UNC13C: variants seen among roughly 807,000 people sequenced by gnomAD.
The protein encoded by UNC13C is protein unc-13 homolog C.
Under a neutral mutation model 245.4 loss-of-function variants are expected in UNC13C, and 174 were observed. The ratio of observed to expected loss-of-function variants is 0.71; its 90% CI spans 0.63 to 0.80. The LOEUF (loss-of-function observed/expected upper bound fraction) is 0.80. UNC13C is among the 30% of genes least tolerant of loss of function. The pLI is 0.00. For synonymous variants in UNC13C, 992 were observed against 895.1 expected (o/e 1.11, Z -1.93); for missense variants, 2,829 against 2,602.9 (o/e 1.09, Z -1.89).
chr15:54,242,946 T>C (rs147993006), intron 7 of UNC13C, among the ~76,000 whole-genome samples: 2,056 of 152,282 alleles, frequency 0.014, 34 homozygotes, highest in Admixed American at 0.051. Context: ...TCACCTTTGT[T>C]TTATAAAATC....
chr15:54,563,247 G>C (rs1274825015), intron 29 of UNC13C, among the ~76,000 whole-genome samples: 1 of 151,974 alleles, frequency 6.6e-6, no homozygotes, highest in African/African-American at 2.4e-5. Flanking sequence ...TTGCATATCT[G>C]TCAAACATGC....
intron 1 of UNC13C, among the ~76,000 whole-genome samples, chr15:53,995,732 C>T (rs1323580251): frequency 6.6e-6 from 1 of 151,792 alleles, no homozygotes; most frequent in East Asian, 1.9e-4. Flanking sequence ...TTAAAGAATG[C>T]CAAGTAGTTA....
At chr15:54,024,776 G>T (rs1187131128) in intron 2 of UNC13C, among the ~76,000 whole-genome samples, 1 of 152,080 alleles carries the variant, frequency 6.6e-6, no homozygotes, top group African/African-American at 2.4e-5. Flanking sequence ...TTAGCCGGGC[G>T]TGGTCCCGGG....
chr15:54,549,509 G>T, intron 27 of UNC13C, 126 bp from the exon 28 acceptor site: 1 of 692,678 alleles, frequency 1.4e-6, no homozygotes, highest in Non-Finnish European at 2.4e-6. Context: ...ACCAATTAAG[G>T]GCATCTGGCA....
At chr15:53,859,218 G>A in the UNC13C span, among the ~76,000 whole-genome samples, 2,440 of 152,128 alleles carry the variant, frequency 0.016, 32 homozygotes, top group African/African-American at 0.036. Context: ...ATGTCTCATC[G>A]TTAATAAAAT....
chr15:54,311,425 GATTA>G (rs958564432), intron 13 of UNC13C, among the ~76,000 whole-genome samples: 1 of 151,552 alleles, frequency 6.6e-6, no homozygotes, highest in Non-Finnish European at 1.5e-5. Flanking sequence ...AAGTTTTGCT[GATTA>G]ATTAGCTCAC....
intron 10 of UNC13C, among the ~76,000 whole-genome samples, chr15:54,283,165 A>G (rs1718281328): frequency 6.6e-6 from 1 of 152,186 alleles, no homozygotes; most frequent in South Asian, 2.1e-4. Flanking sequence ...TTTAAACTGT[A>G]TTCAGCTTTG....
At chr15:54,129,777 A>G (rs1310702895) in intron 2 of UNC13C, among the ~76,000 whole-genome samples, 1 of 151,460 alleles carries the variant, frequency 6.6e-6, no homozygotes, top group African/African-American at 2.4e-5. Flanking sequence ...AATATTGTTT[A>G]TATGTACATT....
At chr15:54,133,322 C>T (rs143536061) in intron 2 of UNC13C, among the ~76,000 whole-genome samples, 2,850 of 152,222 alleles carry the variant, frequency 0.019, 68 homozygotes, top group East Asian at 0.093. Context: ...AGGAGACACA[C>T]ATATATTATT....
At chr15:54,183,850 G>A (rs2033881249) in intron 4 of UNC13C, among the ~76,000 whole-genome samples, 1 of 151,570 alleles carries the variant, frequency 6.6e-6, no homozygotes, top group South Asian at 2.1e-4. Context: ...GGCACAGGGA[G>A]AGGAACAATT....
intron 19 of UNC13C, among the ~76,000 whole-genome samples, chr15:54,458,680 CTTT>C (rs79291504): frequency 2.4e-4 from 16 of 65,966 alleles, no homozygotes; most frequent in Admixed American, 9.7e-4. Flanking sequence ...CCTTTAAGGT[CTTT>C]TTTTTTTTTT....
At chr15:54,366,008 AG>A (rs2039357095) in intron 17 of UNC13C, among the ~76,000 whole-genome samples, 1 of 152,202 alleles carries the variant, frequency 6.6e-6, no homozygotes, top group Non-Finnish European at 1.5e-5. Context: ...AAAGTGTTCC[AG>A]GAGAGTTTGT....
chr15:54,307,397 C>G (rs564743091), intron 13 of UNC13C, among the ~76,000 whole-genome samples: 1 of 152,046 alleles, frequency 6.6e-6, no homozygotes, highest in African/African-American at 2.4e-5. Context: ...CACTTATGAT[C>G]TAATCACCTC....
At chr15:54,366,846 T>G (rs2039376445) in intron 17 of UNC13C, among the ~76,000 whole-genome samples, 1 of 152,144 alleles carries the variant, frequency 6.6e-6, no homozygotes, top group Non-Finnish European at 1.5e-5. Flanking sequence ...CTTGACTATA[T>G]GCATGGAATA....
At chr15:53,970,499 G>A in the UNC13C span, among the ~76,000 whole-genome samples, 1 of 152,170 alleles carries the variant, frequency 6.6e-6, no homozygotes, top group African/African-American at 2.4e-5. Flanking sequence ...ATGGCATTGA[G>A]TACAGTTATG....
intron 2 of UNC13C, among the ~76,000 whole-genome samples, chr15:54,028,061 A>G (rs946768735): frequency 2.0e-5 from 3 of 152,180 alleles, no homozygotes; most frequent in African/African-American, 7.2e-5. Context: ...ATAAACTAAT[A>G]AATCCAGGTT....
chr15:54,119,810 A>G (rs898589230), intron 2 of UNC13C, among the ~76,000 whole-genome samples: 2 of 152,192 alleles, frequency 1.3e-5, no homozygotes, highest in Non-Finnish European at 2.9e-5. Context: ...TCATATAAAG[A>G]AAGTTTTAGT....
the UNC13C span, chr15:53,913,165 A>T: frequency 1.8e-4 from 27 of 152,310 alleles, no homozygotes; most frequent in African/African-American, 6.3e-4. Context: ...ATTCTCTTGC[A>T]GGTTTAGAAG....
At chr15:54,103,401 A>G in intron 2 of UNC13C, among the ~76,000 whole-genome samples, 1 of 152,240 alleles carries the variant, frequency 6.6e-6, no homozygotes, top group East Asian at 1.9e-4. Flanking sequence ...TTCCTGGAAC[A>G]GGATGAATAA....
Sources: gnomAD v4.1 joint callset for allele counts (sites outside exome capture counted in the v4.1 genomes callset) on GRCh38, gnomAD v4.1.1 for gene constraint, MANE v1.5 for transcripts, NCBI Gene and HGNC (gene_info 2026-07-23, HGNC 2026-07-21) for gene names.